Variants in NCAPD2 observed in about 807,000 individuals in gnomAD.
NCAPD2 encodes non-SMC condensin I complex subunit D2, also known as condensin complex subunit 1.
NCAPD2 carries 100 observed loss-of-function variants against 164.5 expected under a neutral mutation model. That is an observed-to-expected ratio of 0.61 (90% CI 0.52 to 0.72). The LOEUF (loss-of-function observed/expected upper bound fraction) is 0.72. Ranked by LOEUF, NCAPD2 falls within the 30% of genes least tolerant of loss-of-function variation. The pLI is 0.00. For missense variants in NCAPD2, 1,560 were observed against 1,749.2 expected, an observed-to-expected ratio of 0.89 and a Z score of 1.93; for synonymous variants, 585 against 642.6, an observed-to-expected ratio of 0.91 and a Z score of 1.36.
chr12:6,531,917 CCTT>C lies in NCAPD2; in HGVS notation c.*506_*508del, dbSNP rs1383758608. On this transcript the variant is annotated 3_prime_UTR_variant, in exon 32 of 32. Transcript: ENST00000315579. The surrounding 1 kb of genome is among the most constrained non-coding windows in gnomAD (Gnocchi z 4.1). The stretch of plus-strand genomic sequence containing the variant: ...CTTTGGAATATATGTTTGCCAATCT[CCTT>C]GTTTTCTAATGAATAAATGTTTTTA... 2.3e-5 allele frequency: 4 copies of C among 173,606 alleles called. No individual in the cohort carries two copies. The highest frequency in any genetic ancestry group is 3.7e-5 in the Non-Finnish European group (3 of 80,270). 10.8% of individuals were successfully genotyped at this position (173,606 alleles called of 1,614,324 possible). A position where few individuals can be genotyped will look rare whatever the true frequency, so the allele number is the denominator to read the frequency against.
chr12:6,526,003 G>A (rs1592176900), intron 18 of NCAPD2, 65 bp from the exon 19 acceptor site: 1 of 1,580,906 alleles, frequency 6.3e-7, no homozygotes, highest in East Asian at 2.2e-5. Flanking sequence ...TACCCCTATT[G>A]GCCCTTTCTC....
intron 5 of NCAPD2, 124 bp downstream of exon 5, chr12:6,510,934 C>T: frequency 7.4e-7 from 1 of 1,344,700 alleles, no homozygotes; most frequent in Non-Finnish European, 1.0e-6. Flanking sequence ...GGAGAAAGAA[C>T]TCAAAAGTGT....
At position 6,516,958 on chromosome 12, in the gene NCAPD2, G is replaced by T. The variant is rs1267228317; in HGVS notation, c.1118G>T (p.Gly373Val). The stretch of plus-strand genomic sequence containing the variant: ...TTCTTGGATACTTTACAAGCCCATG[G>T]CCATGATGTCAACTCCTTTGTGCGG... ...DQFLDTLQAH[G>V]HDVNSFVRSR... Residue 373 changes from glycine (G) to valine (V), a missense_variant, in exon 10 of 32, where the codon GGC becomes GTC. Coordinates refer to ENST00000315579, the MANE Select transcript of NCAPD2 (RefSeq NM_014865.4). The T allele has an allele frequency of 6.2e-7, 1 of 1,614,140 alleles. No homozygotes were observed. Among genetic ancestry groups the T allele is most frequent in the Non-Finnish European group, 8.5e-7 (1 of 1,180,032 alleles).
chr12:6,499,958 C>A (rs765213222), intron 2 of NCAPD2, among the ~76,000 whole-genome samples: 8 of 151,894 alleles, frequency 5.3e-5, no homozygotes, highest in Non-Finnish European at 1.2e-4. Context: ...CCATCTCTAC[C>A]AAAATTACAA....
intron 13 of NCAPD2, chr12:6,518,218 C>A: frequency 3.7e-6 from 1 of 271,600 alleles, no homozygotes; most frequent in Non-Finnish European, 7.0e-6. Context: ...AGTCCTCCTT[C>A]AATTGAAGAA....
chr12:6,504,182 CATATATATATATAT>C (rs1176237960), intron 2 of NCAPD2, among the ~76,000 whole-genome samples: 1 of 57,762 alleles, frequency 1.7e-5, no homozygotes, highest in African/African-American at 7.8e-5. Context: ...TATATATATA[CATATATATATATAT>C]ATATATATAT....
At chr12:6,504,198 TATATATATATATATATATAGATATAG>T (rs1184216376) in intron 2 of NCAPD2, among the ~76,000 whole-genome samples, 2,846 of 27,158 alleles carry the variant, frequency 0.1, 142 homozygotes, top group African/African-American at 0.34. Context: ...TATATATATA[TATATATATATATATATATAGATATAG>T]ATATATATAT....
chr12:6,527,948 T>C lies in NCAPD2; in HGVS notation c.3020-20T>C. The C allele has an allele frequency of 6.2e-7, 1 of 1,614,248 alleles. No homozygotes were observed. Among genetic ancestry groups the C allele is most frequent in the Non-Finnish European group, 8.5e-7 (1 of 1,180,038 alleles). ...CAATTAAGATAACCTGTCCCAAACCTGCAGTTACTCTTCCAACAGGCAAAC... is the reference window on the plus strand; with the variant it reads ...CAATTAAGATAACCTGTCCCAAACCCGCAGTTACTCTTCCAACAGGCAAAC... On this transcript the variant is annotated intron_variant, in intron 23 of 31. Transcript: ENST00000315579.
rs1469946630 is a variant in NCAPD2, at chr12:6,529,577, C to T, written c.3637C>T (p.Arg1213Trp). ...GAGCCTGGTGGAAAAGCTGTGTCAG[C>T]GGTTCCGCACATCCCGGTATGCTGC... ...TESLVEKLCQ[R>W]FRTSRTERQQ... Residue 1213 changes from arginine (R) to tryptophan (W), a missense_variant, in exon 28 of 32, where the codon CGG becomes TGG. By Grantham distance (101) the Arg-to-Trp change is moderately radical. Transcript: ENST00000315579. The T allele has an allele frequency of 4.3e-6, 7 of 1,614,168 alleles. No individual in the cohort carries two copies. The highest frequency in any genetic ancestry group is 4.5e-5 in the East Asian group (2 of 44,882).
chr12:6,507,089 T>C (rs1339223486), intron 2 of NCAPD2, among the ~76,000 whole-genome samples: 1 of 152,202 alleles, frequency 6.6e-6, no homozygotes, highest in Non-Finnish European at 1.5e-5. Context: ...GAATGGTTGA[T>C]TACAGGACTG....
chr12:6,517,490 C>T lies in NCAPD2; in HGVS notation c.1311C>T (p.Phe437=), dbSNP rs2137051981. ...LLASFLANNP[F]SCKLSDADLA... is the part of the protein sequence containing the mutation. ...CCAGTTTTCTAGCCAATAATCCTTT[C>T]TCCTGCAAGGTAAGTAGACTTGGTC... The change falls in exon 11 of 32, where the codon TTC becomes TTT. Residue 437 remains phenylalanine, a synonymous_variant. Transcript: ENST00000315579. The T allele has an allele frequency of 6.2e-7, 1 of 1,614,204 alleles. No individual in the cohort carries two copies. The highest frequency in any genetic ancestry group is 8.5e-7 in the Non-Finnish European group (1 of 1,180,030).
In NCAPD2 at chr12:6,511,108, A is replaced by C; in HGVS notation, c.445-2A>C. 1.2e-6 allele frequency: 2 copies of C among 1,612,996 alleles called. No individual in the cohort carries two copies. Among genetic ancestry groups the C allele is most frequent in the Non-Finnish European group, 1.7e-6 (2 of 1,179,716 alleles). On this transcript the variant is annotated splice_acceptor_variant, in intron 5 of 31. Transcript: ENST00000315579. LOFTEE classifies it high-confidence loss of function. ...CCTCAATGTATACATGATCCTTTTT[A>C]GGGTAAGAAAGCTCGGACCAAGGCA...
intron 6 of NCAPD2, 82 bp downstream of exon 6, chr12:6,511,334 GT>G (rs1037367733): frequency 1.0e-3 from 1,165 of 1,135,214 alleles, no homozygotes; most frequent in Admixed American, 1.4e-3. Context: ...TTTTGGTTTT[GT>G]TTTTTTTTTG....
In NCAPD2 at chr12:6,531,544, G is replaced by A. The variant is rs1480333216; in HGVS notation, c.*132G>A. 7.9e-6 allele frequency: 12 copies of A among 1,511,198 alleles called. No individual in the cohort carries two copies. The highest frequency in any genetic ancestry group is 2.5e-5 in the East Asian group (1 of 40,300). The allele number at this position is 1,511,198 out of a possible 1,614,324, so 93.6% of individuals were successfully genotyped here. A position where few individuals can be genotyped will look rare whatever the true frequency, so the allele number is the denominator to read the frequency against. On this transcript the variant is annotated 3_prime_UTR_variant, in exon 32 of 32. Coordinates refer to ENST00000315579, the MANE Select transcript of NCAPD2 (RefSeq NM_014865.4). This position sits in a 1 kb window ranked among gnomAD's most constrained non-coding sequence, Gnocchi z 4.1. The stretch of plus-strand genomic sequence containing the variant: ...AAAAAGGCCGGGCACTGTGGCTCAC[G>A]CCTGTAATCCCAGCACTTTGCGATA...
rs774544730 is a variant in NCAPD2 at position 6,531,467 on chromosome 12, C to T, written c.*55C>T. On this transcript the variant is annotated 3_prime_UTR_variant, in exon 32 of 32. Coordinates refer to ENST00000315579, the MANE Select transcript of NCAPD2 (RefSeq NM_014865.4). This position sits in a 1 kb window ranked among gnomAD's most constrained non-coding sequence, Gnocchi z 4.1. The stretch of plus-strand genomic sequence containing the variant: ...GTATCCTGTAGGGTGACCTGGAATT[C>T]GAATTCTGTTTCCCTTGTAAAATAT... 1.2e-4 allele frequency: 184 copies of T among 1,597,746 alleles called. 1 individual carries two copies. The highest frequency in any genetic ancestry group is 1.8e-4 in the Middle Eastern group (1 of 5,576).
rs547697129 is a variant in NCAPD2 at position 6,520,304 on chromosome 12, T to G, written c.1590-682T>G. Among the ~76,000 whole-genome samples the G allele has an allele frequency of 2.8e-3, 425 of 152,172 alleles. 3 individuals are homozygous for G. Among genetic ancestry groups the G allele is most frequent in the African/African-American group, 9.9e-3 (411 of 41,516 alleles). On this transcript the variant is annotated intron_variant, in intron 13 of 31. Transcript: ENST00000315579. ...TTGCCCATGCTGGAGTACAGTGGTA[T>G]GATCACAACTCACTGCAGCTTTGAT...
At position 6,517,037 on chromosome 12, in the gene NCAPD2, C is replaced by A; in HGVS notation, c.1185+12C>A. On this transcript the variant is annotated intron_variant, in intron 10 of 31. Coordinates refer to ENST00000315579, the MANE Select transcript of NCAPD2 (RefSeq NM_014865.4). Reference sequence around the variant, plus strand: ...TTGTCCAGCAGAAGGTAACCAACTTCTATGTGGCAAAAACATATGGTACCT... The same window carrying A: ...TTGTCCAGCAGAAGGTAACCAACTTATATGTGGCAAAAACATATGGTACCT... The A allele has an allele frequency of 1.9e-6, 3 of 1,613,838 alleles. No homozygotes were observed. The highest frequency in any genetic ancestry group is 1.7e-6 in the Non-Finnish European group (2 of 1,179,736).
intron 28 of NCAPD2, 57 bp downstream of exon 28, chr12:6,529,650 G>A: frequency 3.3e-5 from 53 of 1,607,146 alleles, no homozygotes; most frequent in Non-Finnish European, 4.4e-5. Flanking sequence ...AGGGGAGAAA[G>A]GCCCATCCCT....
intron 17 of NCAPD2, among the ~76,000 whole-genome samples, chr12:6,524,040 G>T (rs367608762): frequency 7.2e-5 from 11 of 152,226 alleles, no homozygotes; most frequent in Middle Eastern, 3.2e-3. Flanking sequence ...GAGGCACAGA[G>T]AAGTTACTGA....
Sources: gnomAD v4.1 joint callset for allele counts (sites outside exome capture counted in the v4.1 genomes callset) on GRCh38, gnomAD v4.1.1 for gene constraint, Gnocchi (gnomAD v3.1) non-coding constraint, MANE v1.5 for transcripts, NCBI Gene and HGNC (gene_info 2026-07-23, HGNC 2026-07-21) for gene names.